The following MAGI2 variants were observed in gnomAD, a reference collection of about 807,000 sequenced individuals.
MAGI2 encodes the protein membrane-associated guanylate kinase, WW and PDZ domain-containing protein 2.
In MAGI2, 35 loss-of-function variants were observed where a neutral mutation model predicts 133.3. The ratio of observed to expected loss-of-function variants is 0.26; its 90% CI spans 0.20 to 0.35. The LOEUF is 0.35. MAGI2 is among the 10% of genes least tolerant of loss of function. The pLI is 1.00. For synonymous variants in MAGI2, 729 were observed against 710.6 expected (o/e 1.03, Z -0.41); for missense variants, 1,636 against 1,863.4 (o/e 0.88, Z 2.25).
chr7:79,346,095 A>T (rs541103288), intron 1 of MAGI2, among the ~76,000 whole-genome samples: 1 of 152,194 alleles, frequency 6.6e-6, no homozygotes, highest in African/African-American at 2.4e-5. Context: ...AAGAATCCAT[A>T]ATTTTTGAGG....
In MAGI2 at chr7:78,281,056, CTTCCTTTTCATTTTTCTA is replaced by C. The variant is rs1370620262; in HGVS notation, c.1409-24493_1409-24476del. 1.1e-4 allele frequency among the ~76,000 whole-genome samples: 17 copies of C among 150,750 alleles called. No individual in the cohort carries two copies. In the East Asian group the frequency reaches 2.1e-3, roughly 19 times the overall value. ...GAGTCATCAGATATCATTTTTTTCT[CTTCCTTTTCATTTTTCTA>C]ATCTAAGCTCAACTCTTTACATTTA... On this transcript the variant is annotated intron_variant, in intron 9 of 21. Transcript: ENST00000354212.
intron 16 of MAGI2, among the ~76,000 whole-genome samples, chr7:78,154,916 G>C (rs1010050722): frequency 7.2e-6 from 1 of 138,438 alleles, no homozygotes; most frequent in South Asian, 2.4e-4. Context: ...ACATTTTACA[G>C]AGCAAGCATC....
In MAGI2 at chr7:78,658,183, T is replaced by C. The variant is rs555161633; in HGVS notation, c.419-30944A>G. 5.3e-5 allele frequency among the ~76,000 whole-genome samples: 8 copies of C among 152,250 alleles called. No individual in the cohort carries two copies. In the South Asian group the frequency reaches 1.4e-3, roughly 28 times the overall value. Reference sequence around the variant, plus strand: ...ACACAGAATAGAGAACAAAAATATGTCCAATAAATTTTTGACACAGGTGCA... The same window carrying C: ...ACACAGAATAGAGAACAAAAATATGCCCAATAAATTTTTGACACAGGTGCA... On this transcript the variant is annotated intron_variant, in intron 2 of 21. Coordinates refer to ENST00000354212, the MANE Select transcript of MAGI2 (RefSeq NM_012301.4).
intron 2 of MAGI2, among the ~76,000 whole-genome samples, chr7:78,697,410 G>A (rs1263525515): frequency 6.6e-6 from 1 of 152,182 alleles, no homozygotes; most frequent in African/African-American, 2.4e-5. Flanking sequence ...TTGAGACTGA[G>A]TGCACGGACT....
At chr7:79,198,713 C>A (rs1049443660) in intron 1 of MAGI2, among the ~76,000 whole-genome samples, 1 of 151,722 alleles carries the variant, frequency 6.6e-6, no homozygotes, top group Non-Finnish European at 1.5e-5. Flanking sequence ...ATGGTGAAAC[C>A]CTGTCTCTAC....
chr7:79,191,304 T>C (rs1318456983), intron 1 of MAGI2, among the ~76,000 whole-genome samples: 1 of 151,142 alleles, frequency 6.6e-6, no homozygotes, highest in Non-Finnish European at 1.5e-5. Context: ...TTCCTTCACA[T>C]AGAGATTATG....
At chr7:79,444,896 G>A (rs1321369340) in intron 1 of MAGI2, among the ~76,000 whole-genome samples, 28 of 152,106 alleles carry the variant, frequency 1.8e-4, no homozygotes, top group Non-Finnish European at 2.8e-4. Context: ...GAGGCATCAC[G>A]CTATCTGACT....
At chr7:78,496,652 T>G (rs1308894211) in intron 5 of MAGI2, among the ~76,000 whole-genome samples, 1 of 152,112 alleles carries the variant, frequency 6.6e-6, no homozygotes, top group Non-Finnish European at 1.5e-5. Flanking sequence ...CTCTGTAGAG[T>G]GAAAGAGCTC....
At chr7:79,291,485 T>C (rs1340215793) in intron 1 of MAGI2, among the ~76,000 whole-genome samples, 1 of 152,174 alleles carries the variant, frequency 6.6e-6, no homozygotes, top group African/African-American at 2.4e-5. Context: ...TTTGAGGAAA[T>C]GCTAAACTGT....
intron 21 of MAGI2, among the ~76,000 whole-genome samples, chr7:78,032,675 T>C (rs371740291): frequency 5.8e-4 from 88 of 152,270 alleles, no homozygotes; most frequent in African/African-American, 1.9e-3. Context: ...AAGTCTGATA[T>C]GGATTGGTGC....
intron 10 of MAGI2, among the ~76,000 whole-genome samples, chr7:78,234,885 C>T (rs764606125): frequency 9.2e-5 from 14 of 152,124 alleles, no homozygotes; most frequent in Non-Finnish European, 1.6e-4. Context: ...AACACTCCAA[C>T]AGCAGAGCAC....
chr7:78,979,772 G>T (rs902322712), intron 2 of MAGI2, among the ~76,000 whole-genome samples: 1 of 151,800 alleles, frequency 6.6e-6, no homozygotes, highest in Non-Finnish European at 1.5e-5. Flanking sequence ...CCAAAGGGTT[G>T]AATAGGTGGT....
At chr7:78,415,923 G>A (rs1324307280) in intron 6 of MAGI2, among the ~76,000 whole-genome samples, 2 of 152,088 alleles carry the variant, frequency 1.3e-5, no homozygotes, top group African/African-American at 4.8e-5. Flanking sequence ...ATGATGATGA[G>A]GCATTATAGT....
chr7:78,978,318 A>G (rs1490068704), intron 2 of MAGI2, among the ~76,000 whole-genome samples: 1 of 151,852 alleles, frequency 6.6e-6, no homozygotes. Context: ...CACACATATA[A>G]TAGAATATTA....
At chr7:78,315,508 T>C (rs2151106271) in intron 9 of MAGI2, among the ~76,000 whole-genome samples, 1 of 152,172 alleles carries the variant, frequency 6.6e-6, no homozygotes, top group East Asian at 1.9e-4. Context: ...GGGGTATTAT[T>C]ACTAGTCCAC....
At chr7:79,412,944 G>A (rs1471709986) in intron 1 of MAGI2, 2 of 152,122 alleles carry the variant, frequency 1.3e-5, no homozygotes, top group Non-Finnish European at 2.9e-5. Context: ...TTTTGAGGGA[G>A]AAAATATCCT....
rs138328281 is a variant in MAGI2, at chr7:78,534,097, T to C, written c.539-12452A>G. 7.0e-4 allele frequency among the ~76,000 whole-genome samples: 107 copies of C among 152,312 alleles called. 1 individual carries two copies. Among genetic ancestry groups the C allele is most frequent in the Middle Eastern group, 6.8e-3 (2 of 294 alleles). On this transcript the variant is annotated intron_variant, in intron 3 of 21. Transcript: ENST00000354212. ...GGTTAACTCAAGGAACAATGGTGAA[T>C]GACATAAGCACAGTCCTCTTTGAAA...
chr7:78,961,593 C>T (rs1034556249), intron 2 of MAGI2, among the ~76,000 whole-genome samples: 4 of 152,014 alleles, frequency 2.6e-5, no homozygotes, highest in African/African-American at 9.7e-5. Context: ...TTTTAATAAT[C>T]CTCATTATAA....
At chr7:78,484,892 C>G (rs1792819195) in intron 6 of MAGI2, 1 of 151,624 alleles carries the variant, frequency 6.6e-6, no homozygotes, top group Admixed American at 6.6e-5. Context: ...CAAGAACCCA[C>G]AGATTAGGGT....
Sources: gnomAD v4.1 joint callset for allele counts (sites outside exome capture counted in the v4.1 genomes callset) on GRCh38, gnomAD v4.1.1 for gene constraint, MANE v1.5 for transcripts, NCBI Gene and HGNC (gene_info 2026-07-23, HGNC 2026-07-21) for gene names.